Variants in SETD9 observed in about 807,000 individuals in gnomAD.
SETD9 encodes the protein SET domain-containing protein 9.
Under a neutral mutation model 36.4 loss-of-function variants are expected in SETD9, and 37 were observed. The observed-to-expected ratio is 1.02, with a 90% CI of 0.78 to 1.34. SETD9 has a LOEUF of 1.34. Among genes scored for constraint, SETD9 ranks in the 40% most tolerant of loss-of-function variants. The pLI, the probability that SETD9 is intolerant of heterozygous loss-of-function variation, is 0.00. For synonymous variants in SETD9, 128 were observed against 132.9 expected (o/e 0.96, Z 0.26); for missense variants, 323 against 353.2 (o/e 0.91, Z 0.69).
chr5:56,915,553 G>C (rs778775309), intron 5 of SETD9, among the ~76,000 whole-genome samples: 5 of 152,134 alleles, frequency 3.3e-5, no homozygotes, highest in Admixed American at 6.6e-5. Context: ...CAGTGCTGTA[G>C]GAAGATACAA....
chr5:56,914,706 T>C (rs969923732), intron 4 of SETD9, among the ~76,000 whole-genome samples, 155 bp from the exon 5 acceptor site: 1 of 152,180 alleles, frequency 6.6e-6, no homozygotes, highest in African/African-American at 2.4e-5. Flanking sequence ...TATATATACG[T>C]AAATAAACTC....
At chr5:56,909,577 GCCGGGGCGGGCCCGAGGCCTCGAT>G in exon 1 of SETD9, 1 of 1,309,224 alleles carries the variant, frequency 7.6e-7, no homozygotes, top group East Asian at 2.8e-5. Context: ...CTCCTCCCGG[GCCGGGGCGGGCCCGAGGCCTCGAT>G]CCGCCTTCCC....
intron 5 of SETD9, 136 bp from the exon 6 acceptor site, chr5:56,916,679 C>A: frequency 1.3e-6 from 1 of 765,580 alleles, no homozygotes. Context: ...ACTATTTCCT[C>A]ATGGAAATCA....
chr5:56,910,044 C>G, intron 1 of SETD9: 1 of 1,317,292 alleles, frequency 7.6e-7, no homozygotes, highest in Non-Finnish European at 9.7e-7. Context: ...CCAGTGTCCG[C>G]TGCGCTGCCG....
chr5:56,909,843 G>C (rs1481023783), intron 1 of SETD9, 100 bp downstream of exon 1: 3 of 1,016,896 alleles, frequency 3.0e-6, no homozygotes, highest in South Asian at 1.5e-5. Flanking sequence ...GCTGACTGCC[G>C]GCCTGAGATG....
chr5:56,924,797 CTT>C (rs1315035603), intron 5 of SETD9, among the ~76,000 whole-genome samples: 1 of 152,200 alleles, frequency 6.6e-6, no homozygotes, highest in African/African-American at 2.4e-5. Flanking sequence ...CCAATAAATG[CTT>C]TCTCCCTTGC....
chr5:56,928,442 A>G, downstream of SETD9: 1 of 173,888 alleles, frequency 5.8e-6, no homozygotes, highest in Non-Finnish European at 1.2e-5. Flanking sequence ...ACTGCTGAAG[A>G]GAAATTATTT....
At chr5:56,910,468 G>A in intron 1 of SETD9, 1 of 1,194,016 alleles carries the variant, frequency 8.4e-7, no homozygotes, top group Non-Finnish European at 1.1e-6. Context: ...AGGCCGACCG[G>A]GCCTCCCTGA....
At chr5:56,921,315 C>A (rs1165304474), downstream of SETD9, 2 of 152,296 alleles carry the variant, frequency 1.3e-5, no homozygotes, top group African/African-American at 4.8e-5. Flanking sequence ...AAGTTTAGCA[C>A]AACAACACAG....
chr5:56,911,520 C>A lies in SETD9; in HGVS notation c.450C>A (p.Val150=). ...AAGGATTGGTACCAAAAGGCGCAGTCGTATCTATGTATCCTGGTAACAGCA... is the reference window on the plus strand; with the variant it reads ...AAGGATTGGTACCAAAAGGCGCAGTAGTATCTATGTATCCTGGTAACAGCA... ...VTKGLVPKGA[V]VSMYPGTVYQ... Residue 150 remains valine, a synonymous_variant, in exon 2 of 6, where the codon GTC becomes GTA. Transcript: ENST00000285947. The A allele has an allele frequency of 1.3e-6, 2 of 1,569,972 alleles. No individual in the cohort carries two copies. Among genetic ancestry groups the A allele is most frequent in the South Asian group, 1.2e-5 (1 of 83,580 alleles).
intron 2 of SETD9, 171 bp downstream of exon 2, chr5:56,911,707 T>C (rs1037265088): frequency 1.4e-5 from 10 of 693,460 alleles, no homozygotes; most frequent in Non-Finnish European, 2.1e-5. Context: ...GTAAATTGTT[T>C]TGTGTTAGAA....
chr5:56,925,191 A>G (rs771070645), intron 5 of SETD9: 1 of 294,562 alleles, frequency 3.4e-6, no homozygotes, highest in Non-Finnish European at 6.6e-6. Context: ...CATCTTTGAG[A>G]AACATTAGAT....
At chr5:56,912,225 A>G in intron 2 of SETD9, 3 of 985,392 alleles carry the variant, frequency 3.0e-6, no homozygotes, top group Non-Finnish European at 3.6e-6. Flanking sequence ...AAGTCACCGA[A>G]TGAAGACCTT....
rs899554162 is a variant in SETD9 at position 56,911,383 on chromosome 5, C to T, written c.313C>T (p.Gln105Ter). Residue 105 changes from glutamine to a stop codon, truncating the protein, a stop_gained, in exon 2 of 6, where the codon CAA becomes TAA. Transcript: ENST00000285947. LOFTEE classifies it high-confidence loss of function. ...GGTGAAACTGCTTGAAAACAGACATCAACAGCAAAGTACCTTTAAACCAGA... is the reference window on the plus strand; with the variant it reads ...GGTGAAACTGCTTGAAAACAGACATTAACAGCAAAGTACCTTTAAACCAGA... The part of the protein sequence containing the change: ...QGVKLLENRH[Q>*]QQSTFKPEEI... 1.9e-6 allele frequency: 3 copies of T among 1,613,506 alleles called. No homozygotes were observed. In the African/African-American group the frequency reaches 4.0e-5, roughly 22 times the overall value.
downstream of SETD9, chr5:56,921,901 A>C (rs963691838): frequency 6.6e-6 from 1 of 152,656 alleles, no homozygotes; most frequent in Admixed American, 6.5e-5. Context: ...AAAATGGCCA[A>C]AGTTTAGGAC....
chr5:56,914,205 G>T (rs1749308304), intron 4 of SETD9, among the ~76,000 whole-genome samples: 1 of 152,078 alleles, frequency 6.6e-6, no homozygotes, highest in Admixed American at 6.5e-5. Context: ...TTTTTCTTCT[G>T]ATTTTGCAGT....
At chr5:56,916,168 C>T (rs955248137) in intron 5 of SETD9, among the ~76,000 whole-genome samples, 1 of 152,016 alleles carries the variant, frequency 6.6e-6, no homozygotes, top group Non-Finnish European at 1.5e-5. Context: ...CCGAGGCGGG[C>T]GGATCACAAG....
At chr5:56,916,121 C>T (rs1045826275) in intron 5 of SETD9, among the ~76,000 whole-genome samples, 35 of 152,044 alleles carry the variant, frequency 2.3e-4, no homozygotes, top group East Asian at 1.9e-4. Context: ...AGGCTGGGTG[C>T]GGTGGCTCAT....
In SETD9 at chr5:56,910,413, A is replaced by G. The variant is rs780908834; in HGVS notation, c.98+670A>G. 29 of 1,303,268 alleles carry G rather than the reference A, an allele frequency of 2.2e-5. No individual in the cohort carries two copies. In the Middle Eastern group the frequency reaches 6.4e-4, roughly 29 times the overall value. 80.7% of individuals were successfully genotyped at this position (1,303,268 alleles called of 1,614,324 possible). On this transcript the variant is annotated intron_variant, in intron 1 of 5. Coordinates refer to ENST00000285947, the MANE Select transcript of SETD9 (RefSeq NM_153706.4). ...GATTGGGGTGAGTCCCGCCGGCGTT[A>G]TTAAGGGCGCACCAGTGATCAGCTC...
Sources: gnomAD v4.1 joint callset for allele counts (sites outside exome capture counted in the v4.1 genomes callset) on GRCh38, gnomAD v4.1.1 for gene constraint, MANE v1.5 for transcripts, NCBI Gene and HGNC (gene_info 2026-07-23, HGNC 2026-07-21) for gene names.